RAI1: variants seen among roughly 807,000 people sequenced by gnomAD.
RAI1 encodes retinoic acid induced 1.
A neutral mutation model predicts 123.8 loss-of-function variants in RAI1; 9 were observed. The ratio of observed to expected loss-of-function variants is 0.07; its 90% confidence interval spans 0.04 to 0.13. RAI1 has a LOEUF of 0.13. Among genes scored for constraint, RAI1 ranks in the 10% least tolerant of loss-of-function variants. The pLI is 1.00. For missense variants in RAI1, 2,256 were observed against 2,545.8 expected, an observed-to-expected ratio of 0.89 and a Z score of 2.45; for synonymous variants, 1,231 against 1,127.3, an observed-to-expected ratio of 1.09 and a Z score of -1.84.
At position 17,803,639 on chromosome 17, in the gene RAI1, G is replaced by C. The variant is rs549592010; in HGVS notation, c.5566-117G>C. 3 of 930,396 alleles carry C rather than the reference G, an allele frequency of 3.2e-6. No individual in the cohort carries two copies. In the African/African-American group the frequency reaches 4.8e-5, roughly 15 times the overall value. The allele number at this position is 930,396 out of a possible 1,614,324, so 57.6% of individuals were successfully genotyped here. ...GGACTCAGGCGATCCTCCCACCTTGGCCTCCCAGAGTGCTGGGATTACAGG... is the reference window on the plus strand; with the variant it reads ...GGACTCAGGCGATCCTCCCACCTTGCCCTCCCAGAGTGCTGGGATTACAGG... On this transcript the variant is annotated intron_variant, in intron 3 of 5. Transcript: ENST00000353383.
intron 2 of RAI1, among the ~76,000 whole-genome samples, chr17:17,758,659 G>A (rs533660485): frequency 1.3e-5 from 2 of 152,324 alleles, no homozygotes; most frequent in East Asian, 1.9e-4. Flanking sequence ...AATCCCTGTC[G>A]CATCTGGCTT....
chr17:17,787,435 TG>T (rs2031864315), intron 2 of RAI1, among the ~76,000 whole-genome samples: 2 of 152,240 alleles, frequency 1.3e-5, no homozygotes, highest in Non-Finnish European at 2.9e-5. Flanking sequence ...TGACGCTTTT[TG>T]TTCAGTGGTG....
At chr17:17,734,818 A>G (rs1222052211) in intron 2 of RAI1, among the ~76,000 whole-genome samples, 1 of 152,228 alleles carries the variant, frequency 6.6e-6, no homozygotes, top group African/African-American at 2.4e-5. Context: ...GTGTGTGCGT[A>G]TCTGTGTGTT....
intron 2 of RAI1, among the ~76,000 whole-genome samples, chr17:17,750,354 G>A (rs1286467634): frequency 6.6e-6 from 1 of 152,122 alleles, no homozygotes; most frequent in Admixed American, 6.5e-5. Flanking sequence ...CCTACAGGAG[G>A]GTATTATAAT....
chr17:17,805,440 A>G (rs187687573), intron 4 of RAI1, among the ~76,000 whole-genome samples: 2 of 152,248 alleles, frequency 1.3e-5, no homozygotes, highest in African/African-American at 4.8e-5. Flanking sequence ...TGGCCTGGAA[A>G]GAGGCGAAGT....
At chr17:17,697,202 TC>T (rs1331146634) in intron 1 of RAI1, among the ~76,000 whole-genome samples, 1 of 152,244 alleles carries the variant, frequency 6.6e-6, no homozygotes, top group Non-Finnish European at 1.5e-5. Flanking sequence ...TTAAAAGGCA[TC>T]CAAGGCTTTG....
At chr17:17,708,322 T>TC (rs1372641532) in intron 1 of RAI1, among the ~76,000 whole-genome samples, 1 of 152,158 alleles carries the variant, frequency 6.6e-6, no homozygotes, top group Non-Finnish European at 1.5e-5. Context: ...CCCTTTTTTC[T>TC]CCAACAATAC....
In RAI1 at chr17:17,810,993, A is replaced by C. The variant is rs1438712156; in HGVS notation, c.*1012A>C. On this transcript the variant is annotated 3_prime_UTR_variant, in exon 6 of 6. Transcript: ENST00000353383. The surrounding 1 kb of genome is among the most constrained non-coding windows in gnomAD (Gnocchi z 4.6). ...TCGCCGCCGTGCGTCGTGCGCCCGCAACAGAGCCCCAACCGGGCCTTTGCC... is the reference window on the plus strand; with the variant it reads ...TCGCCGCCGTGCGTCGTGCGCCCGCCACAGAGCCCCAACCGGGCCTTTGCC... The C allele has an allele frequency of 9.3e-6, 3 of 321,890 alleles. No individual in the cohort carries two copies. The highest frequency in any genetic ancestry group is 6.7e-5 in the African/African-American group (3 of 44,528). 19.9% of individuals were successfully genotyped at this position (321,890 alleles called of 1,614,324 possible).
chr17:17,750,817 T>C (rs1329817242), intron 2 of RAI1, among the ~76,000 whole-genome samples: 1 of 152,036 alleles, frequency 6.6e-6, no homozygotes, highest in Admixed American at 6.5e-5. Flanking sequence ...GACAGGCCAG[T>C]GTCCAGAAGA....
rs199614154 is a variant in RAI1 at position 17,797,257 on chromosome 17, C to T, written c.4309C>T (p.Pro1437Ser). ...CTTCACATCCCCGGAGGCCCTGCAG[C>T]CTGGGGGGACTGCCCTGGCGCCTAA... The part of the protein sequence containing the change: ...EAFTSPEALQ[P>S]GGTALAPKKR... Residue 1437 changes from proline (P) to serine (S), a missense_variant, in exon 3 of 6, where the codon CCT becomes TCT. Physicochemically the swap from Pro to Ser is moderately conservative, Grantham distance 74. This residue lies in a region of RAI1 where 410 missense variants were observed against 374.6 expected (regional missense o/e 1.09). Coordinates refer to ENST00000353383, the MANE Select transcript of RAI1 (RefSeq NM_030665.4). 1 of 1,613,262 alleles carries T rather than the reference C, an allele frequency of 6.2e-7. No homozygotes were observed. Among genetic ancestry groups the T allele is most frequent in the Non-Finnish European group, 8.5e-7 (1 of 1,180,020 alleles).
At chr17:17,725,943 T>C (rs1916074444) in intron 2 of RAI1, among the ~76,000 whole-genome samples, 2 of 152,146 alleles carry the variant, frequency 1.3e-5, no homozygotes, top group South Asian at 4.1e-4. Flanking sequence ...CCCCAGAAAT[T>C]TGTCAGCCCC....
chr17:17,767,200 A>G (rs2030972087), intron 2 of RAI1, among the ~76,000 whole-genome samples: 1 of 152,150 alleles, frequency 6.6e-6, no homozygotes. Context: ...GGGCCTGAGG[A>G]GCCTACTGAA....
intron 2 of RAI1, chr17:17,759,165 G>T (rs1489734614): frequency 6.6e-6 from 1 of 152,232 alleles, no homozygotes; most frequent in African/African-American, 2.4e-5. Context: ...AGATGCACCT[G>T]CTGTATGTCC....
intron 2 of RAI1, among the ~76,000 whole-genome samples, chr17:17,740,181 G>GCTTCTCTGTGCT: frequency 6.6e-6 from 1 of 152,190 alleles, no homozygotes; most frequent in Non-Finnish European, 1.5e-5. Flanking sequence ...AGACCCTTGG[G>GCTTCTCTGTGCT]CTTCTCTGTG....
intron 2 of RAI1, among the ~76,000 whole-genome samples, chr17:17,772,921 G>GTGCATGGA (rs1168697906): frequency 6.6e-6 from 1 of 152,162 alleles, no homozygotes; most frequent in Non-Finnish European, 1.5e-5. Flanking sequence ...GTGGGTATGT[G>GTGCATGGA]TGCATGGATG....
chr17:17,793,005 G>A lies in RAI1; in HGVS notation c.57G>A (p.Gln19=). 1 of 1,613,792 alleles carries A rather than the reference G, an allele frequency of 6.2e-7. No individual in the cohort carries two copies. Among genetic ancestry groups the A allele is most frequent in the South Asian group, 1.1e-5 (1 of 91,080 alleles). The change falls in exon 3 of 6, where the codon CAG becomes CAA. Residue 19 remains glutamine (Q), a synonymous_variant. Coordinates refer to ENST00000353383, the MANE Select transcript of RAI1 (RefSeq NM_030665.4). ...GFHGKQQNYQ[Q]TSQETSRLEN... ...ATGGCAAACAACAGAACTACCAGCAGACCTCGCAGGAAACATCACGCCTAG... is the reference window on the plus strand; with the variant it reads ...ATGGCAAACAACAGAACTACCAGCAAACCTCGCAGGAAACATCACGCCTAG...
At chr17:17,748,150 T>C (rs559345246) in intron 2 of RAI1, among the ~76,000 whole-genome samples, 2 of 152,356 alleles carry the variant, frequency 1.3e-5, no homozygotes, top group Admixed American at 1.3e-4. Context: ...CACCCAATCT[T>C]CTTTACTCAT....
intron 3 of RAI1, among the ~76,000 whole-genome samples, chr17:17,803,106 AAAGC>A (rs1349488366): frequency 6.6e-5 from 10 of 151,666 alleles, no homozygotes; most frequent in African/African-American, 2.4e-4. Context: ...AAAAAAAAAA[AAAGC>A]AAGCCAGTGG....
Position 17,706,060 on chromosome 17 carries a change from C to A in RAI1, c.-148-17968C>A, listed in dbSNP as rs1026710214. ...AAAAAAAAAAAAAGGCAACAAAAAC[C>A]AAACGCCACTTGACCACCTGTTTCA... On this transcript the variant is annotated intron_variant, in intron 1 of 5. Transcript: ENST00000353383. Among the ~76,000 whole-genome samples the A allele has an allele frequency of 2.5e-3, 366 of 148,240 alleles. 2 individuals carry two copies. The highest frequency in any genetic ancestry group is 3.3e-3 in the Admixed American group (50 of 14,990).
Sources: gnomAD v4.1 joint callset for allele counts (sites outside exome capture counted in the v4.1 genomes callset) on GRCh38, gnomAD v4.1.1 for gene constraint, gnomAD v4.1.1 regional missense constraint, Gnocchi (gnomAD v3.1) non-coding constraint, MANE v1.5 for transcripts, NCBI Gene and HGNC (gene_info 2026-07-23, HGNC 2026-07-21) for gene names.